The following SCAMP1 variants were observed in gnomAD, a reference collection of about 807,000 sequenced individuals.
SCAMP1 encodes secretory carrier membrane protein 1, also known as secretory carrier-associated membrane protein 1.
In SCAMP1, 15 loss-of-function variants were observed where a neutral mutation model predicts 41.8. The observed-to-expected ratio is 0.36, with a 90% CI of 0.24 to 0.55. The LOEUF (loss-of-function observed/expected upper bound fraction) is 0.55. Among genes scored for constraint, SCAMP1 ranks in the 20% least tolerant of loss-of-function variants. The probability of loss-of-function intolerance (pLI) is 0.86; values close to 1 mark genes in which losing one functional copy is unlikely to be tolerated. For synonymous variants in SCAMP1, 135 were observed against 136.8 expected (o/e 0.99, Z 0.09); for missense variants, 341 against 412.6 (o/e 0.83, Z 1.50).
intron 1 of SCAMP1, among the ~76,000 whole-genome samples, chr5:78,361,804 CAA>C (rs372028073): frequency 9.2e-5 from 14 of 152,354 alleles, no homozygotes; most frequent in Non-Finnish European, 2.1e-4. Flanking sequence ...TGTGGTCACA[CAA>C]GTGTCACTTC....
intron 2 of SCAMP1, among the ~76,000 whole-genome samples, chr5:78,398,123 A>G (rs370101455): frequency 1.3e-5 from 2 of 152,210 alleles, no homozygotes; most frequent in African/African-American, 4.8e-5. Flanking sequence ...AAGTGAAAAC[A>G]TATGTCCACA....
intron 1 of SCAMP1, among the ~76,000 whole-genome samples, chr5:78,373,638 A>G (rs1365206096): frequency 6.6e-6 from 1 of 152,114 alleles, no homozygotes; most frequent in African/African-American, 2.4e-5. Context: ...CTTTAGGCAT[A>G]TTATCTTTTT....
intron 1 of SCAMP1, among the ~76,000 whole-genome samples, chr5:78,386,072 T>C (rs1185224171): frequency 1.3e-5 from 2 of 152,152 alleles, no homozygotes; most frequent in Non-Finnish European, 2.9e-5. Context: ...CCCACTATTA[T>C]TGTGTTGCTG....
intron 7 of SCAMP1, among the ~76,000 whole-genome samples, chr5:78,457,514 G>C (rs1234120433): frequency 3.3e-5 from 5 of 152,154 alleles, no homozygotes; most frequent in Non-Finnish European, 5.9e-5. Context: ...AGGGGTCAGG[G>C]ACCCAGTTGA....
At chr5:78,369,052 C>G (rs1033372996) in intron 1 of SCAMP1, among the ~76,000 whole-genome samples, 1 of 151,378 alleles carries the variant, frequency 6.6e-6, no homozygotes, top group Non-Finnish European at 1.5e-5. Context: ...TAGGGAGACC[C>G]AAGGAGAGGG....
At chr5:78,457,606 T>C (rs527807512) in intron 7 of SCAMP1, among the ~76,000 whole-genome samples, 20 of 152,316 alleles carry the variant, frequency 1.3e-4, no homozygotes, top group Middle Eastern at 3.4e-3. Flanking sequence ...GACAGGGACA[T>C]TTAAGTCTGC....
intron 2 of SCAMP1, among the ~76,000 whole-genome samples, chr5:78,403,558 A>T (rs765685123): frequency 1.2e-4 from 18 of 152,150 alleles, no homozygotes; most frequent in Non-Finnish European, 2.2e-4. Flanking sequence ...TGGGAGGCCA[A>T]GGTGGGAGGA....
chr5:78,413,702 G>A (rs1185745632), intron 2 of SCAMP1, among the ~76,000 whole-genome samples: 2 of 152,192 alleles, frequency 1.3e-5, no homozygotes, highest in African/African-American at 4.8e-5. Flanking sequence ...ACAAGTGTGA[G>A]CCTCTGCACC....
At chr5:78,445,753 A>G (rs746949157) in intron 6 of SCAMP1, among the ~76,000 whole-genome samples, 1 of 152,144 alleles carries the variant, frequency 6.6e-6, no homozygotes, top group Non-Finnish European at 1.5e-5. Context: ...AGCATCTGAA[A>G]GGAACTTGAT....
At chr5:78,427,195 C>T (rs1467855202) in intron 6 of SCAMP1, among the ~76,000 whole-genome samples, 2 of 152,080 alleles carry the variant, frequency 1.3e-5, no homozygotes, top group African/African-American at 4.8e-5. Flanking sequence ...GGAAAGCAAA[C>T]GGGAGCAGAT....
In SCAMP1 at chr5:78,360,737, C is replaced by T. The variant is rs773624282; in HGVS notation, c.57+9C>T. 1.4e-5 allele frequency: 22 copies of T among 1,604,392 alleles called. No homozygotes were observed. Among genetic ancestry groups the T allele is most frequent in the South Asian group, 4.5e-5 (4 of 89,256 alleles). On this transcript the variant is annotated intron_variant, in intron 1 of 8. Transcript: ENST00000621999. ...TCAACAATCCCTTCAAGGTGAGCTTCGGCCCCAGCATCTCCTGCCGCCGCG... is the reference window on the plus strand; with the variant it reads ...TCAACAATCCCTTCAAGGTGAGCTTTGGCCCCAGCATCTCCTGCCGCCGCG...
At chr5:78,384,220 CTTGAT>C (rs1300473757) in intron 1 of SCAMP1, among the ~76,000 whole-genome samples, 1 of 80,090 alleles carries the variant, frequency 1.2e-5, no homozygotes, top group African/African-American at 5.0e-5. Context: ...GGGTGGAGTT[CTTGAT>C]TTGATTCTTA....
At chr5:78,406,083 A>C (rs1018715230) in intron 2 of SCAMP1, among the ~76,000 whole-genome samples, 1 of 152,216 alleles carries the variant, frequency 6.6e-6, no homozygotes, top group Non-Finnish European at 1.5e-5. Flanking sequence ...TTGGCAGTTT[A>C]AGTGAAAGAA....
chr5:78,404,453 GTTTTT>G (rs3058233), intron 2 of SCAMP1, among the ~76,000 whole-genome samples: 3 of 98,178 alleles, frequency 3.1e-5, no homozygotes, highest in East Asian at 3.0e-4. Flanking sequence ...AGCCTTACAG[GTTTTT>G]TTTTTTTTTT....
intron 6 of SCAMP1, among the ~76,000 whole-genome samples, chr5:78,443,285 C>T (rs990333821): frequency 1.3e-5 from 2 of 151,000 alleles, no homozygotes; most frequent in Admixed American, 1.3e-4. Context: ...ATTTCTGTTA[C>T]CAGCTATGTA....
chr5:78,466,918 A>T (rs1317001824), intron 8 of SCAMP1, among the ~76,000 whole-genome samples: 2 of 152,184 alleles, frequency 1.3e-5, no homozygotes, highest in African/African-American at 2.4e-5. Flanking sequence ...GCAGGTAAGG[A>T]TTAATCCAAC....
chr5:78,380,526 G>A (rs1186598375), intron 1 of SCAMP1, among the ~76,000 whole-genome samples: 1 of 152,114 alleles, frequency 6.6e-6, no homozygotes, highest in African/African-American at 2.4e-5. Context: ...GTCTTAATGA[G>A]TGTTTCTTTT....
intron 6 of SCAMP1, among the ~76,000 whole-genome samples, chr5:78,444,386 A>G (rs1485853218): frequency 6.6e-6 from 1 of 152,230 alleles, no homozygotes; most frequent in African/African-American, 2.4e-5. Context: ...GTGGCAGGCA[A>G]GAGAGTGTGT....
intron 1 of SCAMP1, among the ~76,000 whole-genome samples, chr5:78,378,343 A>C (rs1751116723): frequency 6.6e-6 from 1 of 152,228 alleles, no homozygotes; most frequent in Admixed American, 6.5e-5. Context: ...TAGTTATATA[A>C]GTTGATTGAG....
Sources: gnomAD v4.1 joint callset for allele counts (sites outside exome capture counted in the v4.1 genomes callset) on GRCh38, gnomAD v4.1.1 for gene constraint, MANE v1.5 for transcripts, NCBI Gene and HGNC (gene_info 2026-07-23, HGNC 2026-07-21) for gene names.